PTPRN2: variants seen among roughly 807,000 people sequenced by gnomAD.
PTPRN2 encodes receptor-type tyrosine-protein phosphatase N2.
PTPRN2 carries 74 observed loss-of-function variants against 118.8 expected under a neutral mutation model. The ratio of observed to expected loss-of-function variants is 0.62; its 90% CI spans 0.52 to 0.76. PTPRN2 has a LOEUF of 0.76. PTPRN2 is among the 30% of genes least tolerant of loss of function. PTPRN2 has a pLI of 0.00. For missense variants in PTPRN2, 1,481 were observed against 1,394.4 expected (o/e 1.06, Z -0.99); for synonymous variants, 641 against 608.0 (o/e 1.05, Z -0.80).
intron 3 of PTPRN2, among the ~76,000 whole-genome samples, chr7:158,285,569 C>T (rs928247484): frequency 5.9e-5 from 9 of 152,336 alleles, no homozygotes; most frequent in Middle Eastern, 3.4e-3. Flanking sequence ...GCCCCCTCCT[C>T]TGACACCAGC....
intron 21 of PTPRN2, among the ~76,000 whole-genome samples, chr7:157,567,326 G>A (rs1202265845): frequency 6.6e-6 from 1 of 152,138 alleles, no homozygotes; most frequent in African/African-American, 2.4e-5. Flanking sequence ...AACTAATCTT[G>A]GGTGTTTAAA....
chr7:157,604,123 AGT>A (rs1461795140), intron 15 of PTPRN2, 48 bp from the exon 16 acceptor site: 1 of 1,577,172 alleles, frequency 6.3e-7, no homozygotes, highest in East Asian at 2.2e-5. Context: ...CCCACCCAGC[AGT>A]GTGAGACCCC....
At chr7:158,337,283 T>A (rs1258734128) in intron 2 of PTPRN2, among the ~76,000 whole-genome samples, 6 of 150,550 alleles carry the variant, frequency 4.0e-5, no homozygotes, top group Non-Finnish European at 5.9e-5. Context: ...AAACTCACAC[T>A]CTCACCATAA....
At chr7:157,926,413 G>A (rs1798998680) in intron 11 of PTPRN2, among the ~76,000 whole-genome samples, 1 of 152,256 alleles carries the variant, frequency 6.6e-6, no homozygotes, top group Non-Finnish European at 1.5e-5. Context: ...TCTACTATGT[G>A]CCAGTTCTGT....
chr7:158,102,948 C>A (rs766061700), intron 10 of PTPRN2, among the ~76,000 whole-genome samples: 2 of 152,198 alleles, frequency 1.3e-5, no homozygotes, highest in African/African-American at 4.8e-5. Flanking sequence ...GGCATCAGAG[C>A]TGAGTCCTAG....
chr7:158,497,405 C>T (rs899546979), intron 1 of PTPRN2, among the ~76,000 whole-genome samples: 6 of 151,476 alleles, frequency 4.0e-5, no homozygotes. Context: ...AATTCTGAGG[C>T]TTTCAATCAC....
chr7:157,912,178 C>T (rs141345530), intron 11 of PTPRN2, among the ~76,000 whole-genome samples: 11 of 152,300 alleles, frequency 7.2e-5, no homozygotes, highest in African/African-American at 2.4e-4. Flanking sequence ...CCTAGTGCTC[C>T]GTGTGCTCAT....
At chr7:158,274,122 A>G (rs1443998023) in intron 3 of PTPRN2, among the ~76,000 whole-genome samples, 3 of 95,492 alleles carry the variant, frequency 3.1e-5, no homozygotes, top group East Asian at 3.8e-4. Context: ...AGCCGCAGAC[A>G]CGGGGAGCCG....
At chr7:158,162,428 A>C (rs760789196) in intron 6 of PTPRN2, among the ~76,000 whole-genome samples, 1 of 152,202 alleles carries the variant, frequency 6.6e-6, no homozygotes, top group African/African-American at 2.4e-5. Flanking sequence ...ACTATTCAGC[A>C]CTAAAGAGAA....
At chr7:158,171,698 G>A (rs1823718951) in intron 5 of PTPRN2, among the ~76,000 whole-genome samples, 1 of 152,088 alleles carries the variant, frequency 6.6e-6, no homozygotes, top group East Asian at 1.9e-4. Flanking sequence ...CATCTCAACT[G>A]AGGAGAAACT....
chr7:158,248,527 C>A (rs914856384), intron 3 of PTPRN2, among the ~76,000 whole-genome samples: 1 of 152,194 alleles, frequency 6.6e-6, no homozygotes, highest in Non-Finnish European at 1.5e-5. Flanking sequence ...AACACTCCCA[C>A]ACACACCCCA....
chr7:158,548,777 G>C (rs997470260), intron 1 of PTPRN2, among the ~76,000 whole-genome samples: 4 of 152,234 alleles, frequency 2.6e-5, no homozygotes, highest in African/African-American at 9.6e-5. Flanking sequence ...AACCCAGGCG[G>C]CCTCTAGAGG....
At chr7:158,265,301 C>T (rs186107177) in intron 3 of PTPRN2, among the ~76,000 whole-genome samples, 1 of 152,302 alleles carries the variant, frequency 6.6e-6, no homozygotes, top group Non-Finnish European at 1.5e-5. Flanking sequence ...GACACGAGCA[C>T]ATACCTGCAG....
chr7:158,103,476 C>T (rs2150351890), intron 10 of PTPRN2, among the ~76,000 whole-genome samples: 1 of 152,360 alleles, frequency 6.6e-6, no homozygotes, highest in Non-Finnish European at 1.5e-5. Flanking sequence ...CGTGGCTGTG[C>T]CCATGGAGCA....
intron 2 of PTPRN2, among the ~76,000 whole-genome samples, chr7:158,459,730 C>T (rs556215528): frequency 3.3e-5 from 5 of 152,310 alleles, no homozygotes; most frequent in East Asian, 3.9e-4. Context: ...AAGAGGCAAC[C>T]GAGAAACCCA....
At chr7:157,751,989 C>T (rs373231965) in intron 12 of PTPRN2, among the ~76,000 whole-genome samples, 1 of 152,094 alleles carries the variant, frequency 6.6e-6, no homozygotes, top group Non-Finnish European at 1.5e-5. Context: ...CCCGGCCTTG[C>T]GAGACTCCCA....
chr7:158,390,598 G>C (rs771582666), intron 2 of PTPRN2, among the ~76,000 whole-genome samples: 4 of 152,160 alleles, frequency 2.6e-5, no homozygotes, highest in Non-Finnish European at 2.9e-5. Flanking sequence ...CCGAGTGGCC[G>C]CAATGCTGCT....
At chr7:157,873,826 G>A (rs1212638655) in intron 12 of PTPRN2, among the ~76,000 whole-genome samples, 1 of 152,158 alleles carries the variant, frequency 6.6e-6, no homozygotes, top group Non-Finnish European at 1.5e-5. Context: ...TCAGCAGGGG[G>A]CACCTGGGAG....
Position 158,252,791 on chromosome 7 carries a change from C to G in PTPRN2, c.278-47518G>C, listed in dbSNP as rs371094163. On this transcript the variant is annotated intron_variant, in intron 3 of 22. Coordinates refer to ENST00000389418, the MANE Select transcript of PTPRN2 (RefSeq NM_002847.5). ...CCGCATCACATGCAAAGCCAGAGAA[C>G]GAACCTCTCACTCCCCAAATCCAAT... Among the ~76,000 whole-genome samples the G allele has an allele frequency of 3.2e-4, 49 of 152,270 alleles. No individual in the cohort carries two copies. The East Asian group carries it at 6.8e-3, about 21-fold the overall frequency.
Sources: gnomAD v4.1 joint callset for allele counts (sites outside exome capture counted in the v4.1 genomes callset) on GRCh38, gnomAD v4.1.1 for gene constraint, MANE v1.5 for transcripts, NCBI Gene and HGNC (gene_info 2026-07-23, HGNC 2026-07-21) for gene names.